The following LAMB1 variants were observed in gnomAD, a reference collection of about 807,000 sequenced individuals.
LAMB1 encodes laminin subunit beta-1.
A neutral mutation model predicts 222.3 loss-of-function variants in LAMB1; 121 were observed. The ratio of observed to expected loss-of-function variants is 0.54; its 90% CI spans 0.47 to 0.63. LAMB1 has a LOEUF of 0.63. Ranked by LOEUF, LAMB1 falls within the 30% of genes least tolerant of loss-of-function variation. The probability of loss-of-function intolerance (pLI) is 0.00; values close to 1 mark genes in which losing one functional copy is unlikely to be tolerated. For missense variants in LAMB1, 2,172 were observed against 2,240.8 expected (o/e 0.97, Z 0.62); for synonymous variants, 794 against 807.2 (o/e 0.98, Z 0.28).
chr7:107,954,648 GGGCATGGT>G, intron 21 of LAMB1, among the ~76,000 whole-genome samples: 2 of 152,166 alleles, frequency 1.3e-5, no homozygotes, highest in Middle Eastern at 6.8e-3. Flanking sequence ...CGTGGTGGTG[GGGCATGGT>G]GGCAGGTGCC....
chr7:107,980,310 GTTAT>G (rs1474806039), intron 8 of LAMB1, among the ~76,000 whole-genome samples: 1 of 151,980 alleles, frequency 6.6e-6, no homozygotes, highest in Non-Finnish European at 1.5e-5. Context: ...AGACTCAATT[GTTAT>G]TTAGACAACT....
intron 32 of LAMB1, among the ~76,000 whole-genome samples, chr7:107,925,407 A>T (rs2032537593): frequency 6.6e-6 from 1 of 151,824 alleles, no homozygotes; most frequent in Non-Finnish European, 1.5e-5. Flanking sequence ...TAGGTTGTGC[A>T]CTCCTTATGG....
chr7:107,998,578 A>G (rs967223826), intron 3 of LAMB1, 86 bp from the exon 4 acceptor site: 15 of 1,145,912 alleles, frequency 1.3e-5, no homozygotes, highest in Middle Eastern at 4.7e-4. Context: ...AGCTCCTAAT[A>G]CAAAAATCAA....
At chr7:107,972,856 A>G (rs2033775993) in intron 13 of LAMB1, 136 bp downstream of exon 13, 2 of 695,768 alleles carry the variant, frequency 2.9e-6, no homozygotes, top group Admixed American at 4.1e-5. Flanking sequence ...CCATAGAGGT[A>G]CCTACACACA....
chr7:107,979,558 C>G (rs907290042), intron 8 of LAMB1, among the ~76,000 whole-genome samples: 1 of 152,164 alleles, frequency 6.6e-6, no homozygotes, highest in Non-Finnish European at 1.5e-5. Context: ...TAAGTCCTAT[C>G]TGGCCTTAAA....
intron 7 of LAMB1, among the ~76,000 whole-genome samples, chr7:107,983,110 CATCT>C (rs2034006670): frequency 6.6e-6 from 1 of 152,158 alleles, no homozygotes; most frequent in Non-Finnish European, 1.5e-5. Flanking sequence ...GAGCTGGACA[CATCT>C]ATTAAATATT....
Position 107,923,867 on chromosome 7 carries a change from GTTTTATTTTGAAGAGCATTAAGTCAGT to G in LAMB1, c.*57_*83del. The G allele has an allele frequency of 8.0e-7, 1 of 1,242,776 alleles. No individual in the cohort carries two copies. The highest frequency in any genetic ancestry group is 1.1e-6 in the Non-Finnish European group (1 of 886,104). 77.0% of individuals were successfully genotyped at this position (1,242,776 alleles called of 1,614,324 possible). On this transcript the variant is annotated 3_prime_UTR_variant, in exon 34 of 34. Transcript: ENST00000222399. ...TGATTAAAAACATTAAATAGGTGAT[GTTTTATTTTGAAGAGCATTAAGTCAGT>G]TTTTAAAATGTAGTTGTTTTACCTT...
chr7:107,962,932 G>C lies in LAMB1; in HGVS notation c.1830C>G (p.Tyr610Ter), dbSNP rs141175689. The change falls in exon 15 of 34, where the codon TAC (tyrosine) becomes TAG (stop). Residue 610 changes from tyrosine to a stop codon, truncating the protein, a stop_gained. Coordinates refer to ENST00000222399, the MANE Select transcript of LAMB1 (RefSeq NM_002291.3). LOFTEE classifies it high-confidence loss of function. ...FIDNIPYSME[Y>*]DILIRYEPQL... ...GTGGCTCGTAGCGAATTAGGATGTC[G>C]TACTCCATGGAATATGGTATGTTGT... The C allele has an allele frequency of 4.3e-6, 7 of 1,613,308 alleles. No homozygotes were observed. The highest frequency in any genetic ancestry group is 5.9e-6 in the Non-Finnish European group (7 of 1,179,764).
intron 8 of LAMB1, among the ~76,000 whole-genome samples, chr7:107,979,045 T>C (rs1245722740): frequency 6.6e-6 from 1 of 152,238 alleles, no homozygotes; most frequent in African/African-American, 2.4e-5. Flanking sequence ...CAGGTGGTTT[T>C]ACATAAACTG....
In LAMB1 at chr7:107,963,063, CCT is replaced by C. The variant is rs2033547896; in HGVS notation, c.1699-2_1699-1del. ...TATTGCCGCTCCACTATGCTAACCC[CCT>C]GAGGGCATGGCAAACAATGGTTATT... On this transcript the variant is annotated splice_acceptor_variant, in intron 14 of 33. Transcript: ENST00000222399. LOFTEE classifies it high-confidence loss of function. 1.9e-6 allele frequency: 3 copies of C among 1,601,252 alleles called. No individual in the cohort carries two copies. The highest frequency in any genetic ancestry group is 1.7e-6 in the Non-Finnish European group (2 of 1,173,674).
At position 107,955,438 on chromosome 7, in the gene LAMB1, T is replaced by C. The variant is rs753192112; in HGVS notation, c.2854+29A>G. The C allele has an allele frequency of 5.7e-6, 9 of 1,582,614 alleles. No homozygotes were observed. The African/African-American group carries it at 9.4e-5, about 17-fold the overall frequency. ...CATAAAGACATCTTTTTCTCTCTCT[T>C]TGCCTCCCAAAGTATGCACACGACT... On this transcript the variant is annotated intron_variant, in intron 21 of 33. Transcript: ENST00000222399.
intron 32 of LAMB1, among the ~76,000 whole-genome samples, chr7:107,924,652 A>C (rs1436491999): frequency 6.6e-6 from 1 of 152,192 alleles, no homozygotes; most frequent in African/African-American, 2.4e-5. Flanking sequence ...TTTTCTATAG[A>C]AAAGTTGTAG....
chr7:107,944,326 G>T (rs1249157249), intron 24 of LAMB1, among the ~76,000 whole-genome samples: 1 of 152,136 alleles, frequency 6.6e-6, no homozygotes, highest in South Asian at 2.1e-4. Flanking sequence ...GACTTAAAAG[G>T]CAGATAAGGC....
At chr7:107,939,150 C>T (rs1449590116) in intron 25 of LAMB1, among the ~76,000 whole-genome samples, 1 of 152,062 alleles carries the variant, frequency 6.6e-6, no homozygotes, top group Non-Finnish European at 1.5e-5. Context: ...TGCCTCATAC[C>T]CTTTTCTATT....
chr7:107,936,958 G>T, intron 26 of LAMB1, 135 bp downstream of exon 26: 2 of 679,642 alleles, frequency 2.9e-6, no homozygotes, highest in Non-Finnish European at 4.8e-6. Flanking sequence ...ATCCTCATTT[G>T]TGCCAGAAAC....
Position 108,001,950 on chromosome 7 carries a change from C to G in LAMB1, c.38-217G>C, listed in dbSNP as rs1228405929. 2.1e-6 allele frequency: 3 copies of G among 1,454,034 alleles called. No homozygotes were observed. In the East Asian group the frequency reaches 7.5e-5, roughly 36 times the overall value. 90.1% of individuals were successfully genotyped at this position (1,454,034 alleles called of 1,614,324 possible). A position where few individuals can be genotyped will look rare whatever the true frequency, so the allele number is the denominator to read the frequency against. On this transcript the variant is annotated intron_variant, in intron 2 of 33. Transcript: ENST00000222399. ...AAGGACACGGAAAGAAACCCACACA[C>G]GTCATCAGGTCTGTCCAGCAGCGAG...
chr7:107,963,158 A>C (rs2033549711), intron 14 of LAMB1, 95 bp from the exon 15 acceptor site: 3 of 1,184,246 alleles, frequency 2.5e-6, no homozygotes, highest in Non-Finnish European at 3.6e-6. Context: ...AAAGATTCAA[A>C]AAGGGTGGCT....
Position 107,940,250 on chromosome 7 carries a change from C to T in LAMB1, c.3500G>A (p.Arg1167Gln), listed in dbSNP as rs781568191. The T allele has an allele frequency of 3.7e-6, 6 of 1,614,106 alleles. No individual in the cohort carries two copies. Among genetic ancestry groups the T allele is most frequent in the African/African-American group, 1.3e-5 (1 of 74,938 alleles). The change falls in exon 25 of 34, where the codon CGA (arginine) becomes CAA (glutamine). Residue 1167 changes from arginine to glutamine, a missense_variant. Coordinates refer to ENST00000222399, the MANE Select transcript of LAMB1 (RefSeq NM_002291.3). ...VEGPRCDKCTRGYSGVFPDCT... is the reference protein window; with the variant it reads ...VEGPRCDKCTQGYSGVFPDCT... ...GTCAGGGAAGACCCCCGAGTACCCT[C>T]GCGTGCACTTGTCACAGCGTGGACC... is the stretch of plus-strand genomic sequence containing the variant.
chr7:107,998,359 T>C lies in LAMB1; in HGVS notation c.347A>G (p.Asn116Ser), dbSNP rs1439985688. The C allele has an allele frequency of 6.2e-7, 1 of 1,613,722 alleles. No homozygotes were observed. Among genetic ancestry groups the C allele is most frequent in the Non-Finnish European group, 8.5e-7 (1 of 1,179,910 alleles). The stretch of plus-strand genomic sequence containing the variant: ...TTGTCCCCACACCAACCACATACCA[T>C]TTTCAGATTGCCACCAAATCTTAAG... ...NRLKIWWQSE[N>S]GVENVTIQLD... is the part of the protein sequence containing the mutation. Residue 116 changes from asparagine (N) to serine (S), a missense_variant and splice_region_variant, in exon 4 of 34, where the codon AAT becomes AGT. Coordinates refer to ENST00000222399, the MANE Select transcript of LAMB1 (RefSeq NM_002291.3).
Sources: allele counts gnomAD v4.1 joint callset (sites outside exome capture counted in the v4.1 genomes callset), GRCh38; gene constraint gnomAD v4.1.1; transcripts MANE v1.5; gene names NCBI Gene and HGNC (gene_info 2026-07-23, HGNC 2026-07-21).